SPIRE1: variants seen among roughly 807,000 people sequenced by gnomAD.
SPIRE1 encodes the protein spire type actin nucleation factor 1.
Under a neutral mutation model 94.1 loss-of-function variants are expected in SPIRE1, and 40 were observed. The ratio of observed to expected loss-of-function variants is 0.43; its 90% CI spans 0.33 to 0.55. The LOEUF (loss-of-function observed/expected upper bound fraction) is 0.55. Among genes scored for constraint, SPIRE1 ranks in the 20% least tolerant of loss-of-function variants. The pLI is 0.06. For missense variants in SPIRE1, 838 were observed against 975.2 expected (o/e 0.86, Z 1.87); for synonymous variants, 376 against 371.7 (o/e 1.01, Z -0.13).
intron 2 of SPIRE1, among the ~76,000 whole-genome samples, chr18:12,632,060 C>T (rs1405139688): frequency 6.6e-6 from 1 of 151,192 alleles, no homozygotes; most frequent in Non-Finnish European, 1.5e-5. Flanking sequence ...AAAAAAAAGG[C>T]TGGATCTCAT....
At chr18:12,468,305 G>A (rs986534532) in intron 10 of SPIRE1, among the ~76,000 whole-genome samples, 1 of 152,150 alleles carries the variant, frequency 6.6e-6, no homozygotes, top group African/African-American at 2.4e-5. Context: ...GCCCAGCACT[G>A]GCCACACTTC....
chr18:12,594,044 T>C (rs2036607010), intron 2 of SPIRE1, among the ~76,000 whole-genome samples: 1 of 151,880 alleles, frequency 6.6e-6, no homozygotes, highest in South Asian at 2.1e-4. Context: ...CTGCCTATGA[T>C]GCACATTGGA....
chr18:12,478,560 G>GGT (rs1330989333), intron 10 of SPIRE1, among the ~76,000 whole-genome samples: 1 of 147,548 alleles, frequency 6.8e-6, no homozygotes, highest in African/African-American at 2.5e-5. Flanking sequence ...GTGAAGCTAG[G>GGT]GTGTGTGTGT....
chr18:12,609,525 C>T (rs1158933865), intron 2 of SPIRE1, among the ~76,000 whole-genome samples: 1 of 152,158 alleles, frequency 6.6e-6, no homozygotes, highest in Non-Finnish European at 1.5e-5. Context: ...TTTCATTACC[C>T]TGGTAAGAAA....
At chr18:12,578,397 C>T (rs946362906) in intron 2 of SPIRE1, among the ~76,000 whole-genome samples, 1 of 152,150 alleles carries the variant, frequency 6.6e-6, no homozygotes, top group Non-Finnish European at 1.5e-5. Flanking sequence ...AGTGCACACT[C>T]AACACAGATG....
chr18:12,609,494 G>A (rs145508221), intron 2 of SPIRE1, among the ~76,000 whole-genome samples: 87 of 152,214 alleles, frequency 5.7e-4, no homozygotes, highest in African/African-American at 1.9e-3. Flanking sequence ...TTTGTCTTCC[G>A]TTTTCCCAGC....
intron 14 of SPIRE1, 30 bp downstream of exon 14, chr18:12,453,038 T>C (rs1305275985): frequency 2.3e-5 from 32 of 1,419,114 alleles, no homozygotes; most frequent in Non-Finnish European, 3.1e-5. Context: ...CTGTTAAATT[T>C]ATCTTTTCAT....
chr18:12,605,777 A>G (rs1041922984), intron 2 of SPIRE1, among the ~76,000 whole-genome samples: 3 of 152,234 alleles, frequency 2.0e-5, no homozygotes, highest in African/African-American at 7.2e-5. Context: ...GAATATCTGT[A>G]TTAGAGTACT....
chr18:12,537,050 A>G (rs1298016232), intron 3 of SPIRE1, among the ~76,000 whole-genome samples: 3 of 152,196 alleles, frequency 2.0e-5, no homozygotes, highest in Non-Finnish European at 2.9e-5. Flanking sequence ...ACACAATCTA[A>G]TAGATCACTA....
intron 2 of SPIRE1, among the ~76,000 whole-genome samples, chr18:12,557,713 A>AATATATAT (rs151266769): frequency 8.2e-5 from 12 of 146,910 alleles, no homozygotes; most frequent in Non-Finnish European, 1.4e-4. Context: ...ACAATATACA[A>AATATATAT]ATATATATAT....
At chr18:12,452,756 TC>T in intron 14 of SPIRE1, 1 of 606,508 alleles carries the variant, frequency 1.6e-6, no homozygotes, top group Non-Finnish European at 2.9e-6. Context: ...TATTTGTCTA[TC>T]CAGGGATCAC....
intron 2 of SPIRE1, among the ~76,000 whole-genome samples, chr18:12,555,140 T>C (rs762174271): frequency 4.6e-5 from 7 of 152,106 alleles, no homozygotes; most frequent in Admixed American, 1.3e-4. Flanking sequence ...ATGGAGATGA[T>C]TTGAGACTGA....
intron 2 of SPIRE1, among the ~76,000 whole-genome samples, chr18:12,617,010 C>T (rs2037327835): frequency 6.6e-6 from 1 of 151,674 alleles, no homozygotes; most frequent in Non-Finnish European, 1.5e-5. Context: ...CAGGCGCCCA[C>T]CACCATGCCC....
chr18:12,533,427 C>A (rs968851497), intron 4 of SPIRE1, among the ~76,000 whole-genome samples: 1 of 152,102 alleles, frequency 6.6e-6, no homozygotes, highest in Non-Finnish European at 1.5e-5. Context: ...TTTTTTACAT[C>A]AGATGAGTAA....
intron 2 of SPIRE1, among the ~76,000 whole-genome samples, chr18:12,565,414 G>T (rs113094961): frequency 2.0e-5 from 3 of 151,790 alleles, no homozygotes; most frequent in Non-Finnish European, 2.9e-5. Context: ...TCGCTCTGTC[G>T]CCCAGGCTGG....
chr18:12,575,906 T>A (rs2036081464), intron 2 of SPIRE1, among the ~76,000 whole-genome samples: 1 of 152,168 alleles, frequency 6.6e-6, no homozygotes, highest in South Asian at 2.1e-4. Flanking sequence ...CAAACTGATT[T>A]TAAAATGTAT....
chr18:12,519,423 C>T (rs494151), intron 4 of SPIRE1, among the ~76,000 whole-genome samples: 11 of 152,204 alleles, frequency 7.2e-5, no homozygotes, highest in African/African-American at 2.2e-4. Context: ...GGACTGACTC[C>T]GCTCTACATA....
intron 2 of SPIRE1, chr18:12,588,384 G>C (rs900355077): frequency 6.6e-6 from 1 of 152,200 alleles, no homozygotes; most frequent in Non-Finnish European, 1.5e-5. Context: ...ACAGTTAATA[G>C]TGGCTTTCAT....
chr18:12,657,867 C>A lies in SPIRE1; in HGVS notation c.-1G>T. On this transcript the variant is annotated 5_prime_UTR_variant, in exon 1 of 17. Transcript: ENST00000409402. ...CCGCCGGGCCAGCCGCCTGAGCCAT[C>A]CCGCGGGTGGGCGCTGCGCTCGGCA... The A allele has an allele frequency of 5.6e-6, 6 of 1,072,060 alleles. No homozygotes were observed. The highest frequency in any genetic ancestry group is 4.2e-4 in the Middle Eastern group (1 of 2,376). 66.4% of individuals were successfully genotyped at this position (1,072,060 alleles called of 1,614,324 possible). A position where few individuals can be genotyped will look rare whatever the true frequency, so the allele number is the denominator to read the frequency against.
Sources: gnomAD v4.1 joint callset for allele counts (sites outside exome capture counted in the v4.1 genomes callset) on GRCh38, gnomAD v4.1.1 for gene constraint, MANE v1.5 for transcripts, NCBI Gene and HGNC (gene_info 2026-07-23, HGNC 2026-07-21) for gene names.